Variants in ADGRL2 observed in about 807,000 individuals in gnomAD.
ADGRL2 encodes calcium-independent alpha-latrotoxin receptor 2.
In ADGRL2, 44 loss-of-function variants were observed where a neutral mutation model predicts 157.4. That is an observed-to-expected ratio of 0.28 (90% confidence interval 0.22 to 0.36). The LOEUF (loss-of-function observed/expected upper bound fraction) is 0.36. ADGRL2 is among the 10% of genes least tolerant of loss of function. ADGRL2 has a pLI of 1.00. For missense variants in ADGRL2, 1,510 were observed against 1,768.9 expected (o/e 0.85, Z 2.63); for synonymous variants, 585 against 624.7 (o/e 0.94, Z 0.95).
At chr1:81,840,873 G>C (rs2092548911) in intron 2 of ADGRL2, among the ~76,000 whole-genome samples, 1 of 152,070 alleles carries the variant, frequency 6.6e-6, no homozygotes, top group Admixed American at 6.6e-5. Flanking sequence ...TGAAAAGTCA[G>C]TTTTATCGAG....
intron 1 of ADGRL2, among the ~76,000 whole-genome samples, chr1:81,372,020 C>T (rs1195875026): frequency 6.6e-6 from 1 of 152,110 alleles, no homozygotes; most frequent in African/African-American, 2.4e-5. Context: ...AGGCTTAGAA[C>T]ACTGAGATCT....
intron 3 of ADGRL2, among the ~76,000 whole-genome samples, chr1:81,678,577 A>G (rs2083043491): frequency 6.6e-6 from 1 of 152,182 alleles, no homozygotes; most frequent in South Asian, 2.1e-4. Context: ...GAAAATACAC[A>G]TTTCAGATTG....
intron 1 of ADGRL2, among the ~76,000 whole-genome samples, chr1:81,321,671 T>G (rs1314725763): frequency 1.3e-5 from 2 of 152,148 alleles, no homozygotes; most frequent in Non-Finnish European, 2.9e-5. Flanking sequence ...TTCACGGTCT[T>G]ACATGGATGT....
intron 2 of ADGRL2, among the ~76,000 whole-genome samples, chr1:81,460,825 A>G (rs1181919000): frequency 6.6e-6 from 1 of 152,224 alleles, no homozygotes; most frequent in African/African-American, 2.4e-5. Context: ...ACTATAGGAA[A>G]CATTGCAGTG....
intron 3 of ADGRL2, among the ~76,000 whole-genome samples, chr1:81,633,641 A>ACCAAATC (rs2082057516): frequency 6.7e-6 from 1 of 150,348 alleles, no homozygotes; most frequent in South Asian, 2.1e-4. Context: ...GATTTTCTCT[A>ACCAAATC]CCAAATCTAC....
At chr1:81,848,231 C>A (rs2092866481) in intron 2 of ADGRL2, among the ~76,000 whole-genome samples, 1 of 151,758 alleles carries the variant, frequency 6.6e-6, no homozygotes, top group East Asian at 1.9e-4. Flanking sequence ...GGCTCTTAAA[C>A]CACTCAAAAG....
intron 3 of ADGRL2, among the ~76,000 whole-genome samples, chr1:81,643,534 C>G (rs1328024168): frequency 6.6e-6 from 1 of 151,982 alleles, no homozygotes; most frequent in Non-Finnish European, 1.5e-5. Context: ...GTCTTAAGCC[C>G]CCAGACTCAA....
chr1:81,818,664 AACTGT>A (rs1242289719), intron 1 of ADGRL2, among the ~76,000 whole-genome samples: 1 of 152,170 alleles, frequency 6.6e-6, no homozygotes, highest in Non-Finnish European at 1.5e-5. Context: ...ATGCCAGGAA[AACTGT>A]ACTGTTATGT....
intron 2 of ADGRL2, among the ~76,000 whole-genome samples, chr1:81,555,265 CTTTTT>C (rs71666308): frequency 8.6e-6 from 1 of 115,946 alleles, no homozygotes; most frequent in Non-Finnish European, 1.8e-5. Context: ...TATTTCTTTT[CTTTTT>C]TTTTTTTTTT....
At chr1:81,463,114 C>CAAA (rs56920139) in intron 2 of ADGRL2, among the ~76,000 whole-genome samples, 4 of 93,736 alleles carry the variant, frequency 4.3e-5, no homozygotes, top group Non-Finnish European at 8.4e-5. Context: ...GACCATGTCT[C>CAAA]AAAAAAAAAA....
At chr1:81,951,931 T>C (rs766631394) in intron 8 of ADGRL2, 26 bp from the exon 9 acceptor site, 2 of 1,537,338 alleles carry the variant, frequency 1.3e-6, no homozygotes, top group Middle Eastern at 1.8e-4. Flanking sequence ...AAAATTTAAA[T>C]GAGATAATAC....
At chr1:81,642,717 A>T (rs1301182140) in intron 3 of ADGRL2, among the ~76,000 whole-genome samples, 1 of 152,204 alleles carries the variant, frequency 6.6e-6, no homozygotes, top group Non-Finnish European at 1.5e-5. Context: ...ATGTACAAAG[A>T]GAATTCATAC....
At chr1:81,842,334 T>C (rs1219255701) in intron 2 of ADGRL2, among the ~76,000 whole-genome samples, 1 of 146,924 alleles carries the variant, frequency 6.8e-6, no homozygotes, top group African/African-American at 2.5e-5. Context: ...CAGAAAAGGA[T>C]TTTTTTTTTC....
At chr1:81,816,796 C>T (rs764163718) in intron 1 of ADGRL2, among the ~76,000 whole-genome samples, 1 of 151,882 alleles carries the variant, frequency 6.6e-6, no homozygotes, top group African/African-American at 2.4e-5. Context: ...TTTATGCTTG[C>T]CTACTTTTAT....
intron 1 of ADGRL2, among the ~76,000 whole-genome samples, chr1:81,726,422 T>C (rs1472296747): frequency 6.6e-6 from 1 of 152,204 alleles, no homozygotes. Flanking sequence ...ACTAGTCATG[T>C]GTGGCTATTG....
intron 3 of ADGRL2, among the ~76,000 whole-genome samples, chr1:81,915,232 C>T (rs1236511643): frequency 2.0e-5 from 3 of 152,024 alleles, no homozygotes; most frequent in African/African-American, 7.2e-5. Context: ...CATGCCACCA[C>T]ACCCAGCTAA....
At chr1:81,669,875 G>A (rs985748548) in intron 3 of ADGRL2, among the ~76,000 whole-genome samples, 11 of 151,026 alleles carry the variant, frequency 7.3e-5, no homozygotes, top group South Asian at 2.1e-4. Flanking sequence ...CCCGGGAGGC[G>A]GAGCTTGCAG....
chr1:81,927,481 A>AT (rs1456883966), intron 3 of ADGRL2, among the ~76,000 whole-genome samples: 1 of 152,028 alleles, frequency 6.6e-6, no homozygotes, highest in Non-Finnish European at 1.5e-5. Context: ...AGAAAATTGA[A>AT]TGTAATAAAA....
At position 81,781,837 on chromosome 1, in the gene ADGRL2, A is replaced by T. The variant is rs533251584; in HGVS notation, c.-101+19985A>T. ...ACAATTTTAAAAACTCAAACTTGTT[A>T]CTCTGGAAGCATTTATATTTCACGG... On this transcript the variant is annotated intron_variant, in intron 2 of 20. Coordinates refer to the ADGRL2 transcript ENST00000359929. 1.6e-4 allele frequency among the ~76,000 whole-genome samples: 25 copies of T among 152,308 alleles called. No homozygotes were observed. In the South Asian group the frequency reaches 4.6e-3, roughly 28 times the overall value.
Sources: gnomAD v4.1 joint callset for allele counts (sites outside exome capture counted in the v4.1 genomes callset) on GRCh38, gnomAD v4.1.1 for gene constraint, MANE v1.5 for transcripts, NCBI Gene and HGNC (gene_info 2026-07-23, HGNC 2026-07-21) for gene names.